Variants in CBFA2T3 observed in about 807,000 individuals in gnomAD.
CBFA2T3 encodes the protein CBFA2/RUNX1 partner transcriptional co-repressor 3.
In CBFA2T3, 31 loss-of-function variants were observed where a neutral mutation model predicts 58.6. That is an observed-to-expected ratio of 0.53 (90% CI 0.40 to 0.71). The LOEUF (loss-of-function observed/expected upper bound fraction) is 0.71. Ranked by LOEUF, CBFA2T3 falls within the 30% of genes least tolerant of loss-of-function variation. The pLI is 0.00. For synonymous variants in CBFA2T3, 531 were observed against 421.9 expected, an observed-to-expected ratio of 1.26 and a Z score of -3.17; for missense variants, 1,076 against 963.1, an observed-to-expected ratio of 1.12 and a Z score of -1.55.
intron 1 of CBFA2T3, among the ~76,000 whole-genome samples, chr16:88,966,008 A>G (rs1453544293): frequency 2.6e-5 from 4 of 152,182 alleles, no homozygotes; most frequent in African/African-American, 9.7e-5. Flanking sequence ...GCAGGAACAG[A>G]GAGACCCCAC....
intron 1 of CBFA2T3, among the ~76,000 whole-genome samples, chr16:88,915,714 G>A (rs1292994586): frequency 3.7e-5 from 4 of 108,752 alleles, no homozygotes; most frequent in African/African-American, 1.4e-4. Context: ...CGGGGGGAGC[G>A]TGGAGGGGGA....
rs1013858131 is a variant in CBFA2T3 at position 88,953,848 on chromosome 16, A to G, written c.151+22809T>C. The stretch of plus-strand genomic sequence containing the variant: ...AAGGGGGATGGCTCCCCTTAAGATG[A>G]CTTTGGGGCTGCCATGGGCCTTGTC... On this transcript the variant is annotated intron_variant, in intron 1 of 11. Transcript: ENST00000268679. The surrounding 1 kb of genome is among the most constrained non-coding windows in gnomAD (Gnocchi z 4.9). 1.5e-4 allele frequency among the ~76,000 whole-genome samples: 23 copies of G among 152,132 alleles called. No individual in the cohort carries two copies. Among genetic ancestry groups the G allele is most frequent in the African/African-American group, 5.3e-4 (22 of 41,500 alleles).
intron 5 of CBFA2T3, among the ~76,000 whole-genome samples, chr16:88,888,704 G>A (rs1447248686): frequency 2.0e-5 from 3 of 150,500 alleles, no homozygotes; most frequent in African/African-American, 4.9e-5. Flanking sequence ...AGGACTGGCC[G>A]CAAGATCTTT....
chr16:88,931,279 G>A (rs937688782), intron 1 of CBFA2T3, among the ~76,000 whole-genome samples: 1 of 152,120 alleles, frequency 6.6e-6, no homozygotes, highest in Non-Finnish European at 1.5e-5. Flanking sequence ...GGCTCTGTGA[G>A]CCTGGCTGTG....
intron 1 of CBFA2T3, among the ~76,000 whole-genome samples, chr16:88,949,830 G>T (rs1277763925): frequency 6.6e-6 from 1 of 151,930 alleles, no homozygotes; most frequent in African/African-American, 2.4e-5. Context: ...GGCCGACATG[G>T]CGAAACCCCG....
chr16:88,961,225 G>T (rs1166012887), intron 1 of CBFA2T3, among the ~76,000 whole-genome samples: 1 of 152,132 alleles, frequency 6.6e-6, no homozygotes, highest in African/African-American at 2.4e-5. Context: ...CGTGAGAGGT[G>T]GTTCCCAGAC....
chr16:88,958,436 C>T lies in CBFA2T3; in HGVS notation c.151+18221G>A, dbSNP rs747514303. 1.7e-5 allele frequency among the ~76,000 whole-genome samples: 2 copies of T among 120,444 alleles called. No individual in the cohort carries two copies. Among genetic ancestry groups the T allele is most frequent in the East Asian group, 2.2e-4 (1 of 4,506 alleles). 79.0% of individuals were successfully genotyped at this position (120,444 alleles called of 152,430 possible). On this transcript the variant is annotated intron_variant, in intron 1 of 11. Transcript: ENST00000268679. This position sits in a 1 kb window ranked among gnomAD's most constrained non-coding sequence, Gnocchi z 4.0. Reference sequence around the variant, plus strand: ...GTGGGGGTGTTAGAGTAATGCCAGGCGGGGCGGCGGGGGAAGAAGGTTCTG... The same window carrying T: ...GTGGGGGTGTTAGAGTAATGCCAGGTGGGGCGGCGGGGGAAGAAGGTTCTG...
At chr16:88,920,657 C>T (rs964506511) in intron 1 of CBFA2T3, among the ~76,000 whole-genome samples, 3 of 152,210 alleles carry the variant, frequency 2.0e-5, no homozygotes, top group African/African-American at 4.8e-5. Flanking sequence ...TGGCAGGAGG[C>T]CCCACCACGC....
At chr16:88,945,912 A>G (rs146392882) in intron 1 of CBFA2T3, among the ~76,000 whole-genome samples, 26 of 152,372 alleles carry the variant, frequency 1.7e-4, no homozygotes, top group Middle Eastern at 3.4e-3. Context: ...CTTAGAAGCG[A>G]CTGAGACCGC....
chr16:88,961,802 C>G (rs1398955142), intron 1 of CBFA2T3, among the ~76,000 whole-genome samples: 1 of 128,476 alleles, frequency 7.8e-6, no homozygotes, highest in Admixed American at 7.6e-5. Flanking sequence ...CGACACTCAG[C>G]GCTGGGCATT....
Position 88,877,146 on chromosome 16 carries a change from C to G in CBFA2T3, c.1792G>C (p.Gly598Arg). 1 of 1,550,560 alleles carries G rather than the reference C, an allele frequency of 6.4e-7. No homozygotes were observed. The highest frequency in any genetic ancestry group is 8.7e-7 in the Non-Finnish European group (1 of 1,147,640). Residue 598 changes from glycine (G) to arginine (R), a missense_variant, in exon 12 of 12, where the codon GGC becomes CGC. Physicochemically the swap from Gly to Arg is moderately radical, Grantham distance 125. Coordinates refer to ENST00000268679, the MANE Select transcript of CBFA2T3 (RefSeq NM_005187.6). ...HHHVCGQSLQ[G>R]PTAVVADPVP... Reference sequence around the variant, plus strand: ...GGGTCGGCCACCACGGCTGTGGGGCCCTGCAGGCTCTGGCCACACACGTGG... The same window carrying G: ...GGGTCGGCCACCACGGCTGTGGGGCGCTGCAGGCTCTGGCCACACACGTGG...
At chr16:88,899,600 C>A (rs973885538) in intron 2 of CBFA2T3, among the ~76,000 whole-genome samples, 1 of 152,128 alleles carries the variant, frequency 6.6e-6, no homozygotes, top group African/African-American at 2.4e-5. Flanking sequence ...CAGAGCCCGA[C>A]GCTCTGCTGA....
At position 88,886,068 on chromosome 16, in the gene CBFA2T3, C is replaced by T; in HGVS notation, c.786G>A (p.Leu262=). Residue 262 remains leucine, a synonymous_variant, in exon 6 of 12, where the codon TTG becomes TTA. Coordinates refer to ENST00000268679, the MANE Select transcript of CBFA2T3 (RefSeq NM_005187.6). ...RLAKQTPAQY[L]AQHEQLLLDA... ...CCAGCAGGAGCTGCTCATGCTGGGCCAAGTACTGGGCGGGCGTCTGCTTGG... is the reference window on the plus strand; with the variant it reads ...CCAGCAGGAGCTGCTCATGCTGGGCTAAGTACTGGGCGGGCGTCTGCTTGG... 4 of 1,591,084 alleles carry T rather than the reference C, an allele frequency of 2.5e-6. No homozygotes were observed. Among genetic ancestry groups the T allele is most frequent in the East Asian group, 2.3e-5 (1 of 44,394 alleles).
chr16:88,910,137 G>A (rs1179869701), intron 1 of CBFA2T3, among the ~76,000 whole-genome samples: 2 of 152,092 alleles, frequency 1.3e-5, no homozygotes, highest in Non-Finnish European at 2.9e-5. Context: ...GCTGTGCCTC[G>A]GTCACTCGCC....
intron 9 of CBFA2T3, 124 bp from the exon 10 acceptor site, chr16:88,880,912 C>A: frequency 1.1e-6 from 1 of 907,248 alleles, no homozygotes; most frequent in Non-Finnish European, 1.7e-6. Flanking sequence ...GGGGGGAGGC[C>A]CAGGTGCCCT....
chr16:88,882,176 G>A lies in CBFA2T3; in HGVS notation c.1203+500C>T, dbSNP rs892996635. Among the ~76,000 whole-genome samples the A allele has an allele frequency of 3.9e-5, 6 of 152,368 alleles. No homozygotes were observed. In the South Asian group the frequency reaches 1.0e-3, roughly 26 times the overall value. ...GACCCAGCCGCTGCGCAGGGACGGC[G>A]CAGGCCACACAGGAGGGCACTGAGC... On this transcript the variant is annotated intron_variant, in intron 8 of 11. Transcript: ENST00000268679.
At chr16:88,887,898 G>A (rs1969446411) in intron 5 of CBFA2T3, among the ~76,000 whole-genome samples, 2 of 152,192 alleles carry the variant, frequency 1.3e-5, no homozygotes, top group Admixed American at 1.3e-4. Context: ...GGTGGCTGAG[G>A]CACTAGTTGA....
rs190575105 is a variant in CBFA2T3, at chr16:88,900,070, C to T, written c.304+1434G>A. 3.5e-3 allele frequency among the ~76,000 whole-genome samples: 528 copies of T among 152,362 alleles called. 4 individuals carry two copies. Among genetic ancestry groups the T allele is most frequent in the African/African-American group, 0.012 (500 of 41,588 alleles). Reference sequence around the variant, plus strand: ...TCTCACTAGAAACCGTGGCCAGCTCCGCAGAGCCAGGACCTGCACGCTGGG... The same window carrying T: ...TCTCACTAGAAACCGTGGCCAGCTCTGCAGAGCCAGGACCTGCACGCTGGG... On this transcript the variant is annotated intron_variant, in intron 2 of 11. Coordinates refer to ENST00000268679, the MANE Select transcript of CBFA2T3 (RefSeq NM_005187.6).
At chr16:88,891,174 C>G (rs1048487308) in intron 5 of CBFA2T3, among the ~76,000 whole-genome samples, 1 of 151,580 alleles carries the variant, frequency 6.6e-6, no homozygotes, top group Admixed American at 6.6e-5. Context: ...CCCTCACCTC[C>G]CGCCCTCACC....
Sources: allele counts gnomAD v4.1 joint callset (sites outside exome capture counted in the v4.1 genomes callset), GRCh38; gene constraint gnomAD v4.1.1; non-coding constraint Gnocchi (gnomAD v3.1); transcripts MANE v1.5; gene names NCBI Gene and HGNC (gene_info 2026-07-23, HGNC 2026-07-21).